MTHFSD: variants seen among roughly 807,000 people sequenced by gnomAD.
MTHFSD encodes the protein methenyltetrahydrofolate synthase domain-containing protein.
A neutral mutation model predicts 31.1 loss-of-function variants in MTHFSD; 37 were observed. The observed-to-expected ratio is 1.19, with a 90% CI of 0.91 to 1.56. The LOEUF (loss-of-function observed/expected upper bound fraction) is 1.56. Ranked by LOEUF, MTHFSD falls within the 40% of genes most tolerant of loss-of-function variation. The probability of loss-of-function intolerance (pLI) is 0.00; values close to 1 mark genes in which losing one functional copy is unlikely to be tolerated. For missense variants in MTHFSD, 664 were observed against 510.1 expected (o/e 1.30, Z -2.91); for synonymous variants, 221 against 206.9 (o/e 1.07, Z -0.59).
chr16:86,539,065 G>C (rs1971115189), intron 7 of MTHFSD, among the ~76,000 whole-genome samples: 1 of 152,194 alleles, frequency 6.6e-6, no homozygotes, highest in African/African-American at 2.4e-5. Context: ...AGGGTGCAGA[G>C]TGCTGGAATG....
At position 86,548,494 on chromosome 16, in the gene MTHFSD, T is replaced by C. The variant is rs1447546015; in HGVS notation, c.321A>G (p.Lys107=). Residue 107 remains lysine (K), a synonymous_variant, in exon 4 of 8, where the codon AAA becomes AAG. Transcript: ENST00000360900. ...NKITPPPGAT[K]DILRKCATSQ... ...AGGTGGCACATTTTCTCAAGATGTCTTTAGTTGCCCCAGGGGGTGGTGTGA... is the reference window on the plus strand; with the variant it reads ...AGGTGGCACATTTTCTCAAGATGTCCTTAGTTGCCCCAGGGGGTGGTGTGA... 6.2e-7 allele frequency: 1 copy of C among 1,613,984 alleles called. No homozygotes were observed. The highest frequency in any genetic ancestry group is 8.5e-7 in the Non-Finnish European group (1 of 1,179,956).
rs2143616627 is a variant in MTHFSD at position 86,542,467 on chromosome 16, C to T, written c.443-254G>A. 5 of 450,896 alleles carry T rather than the reference C, an allele frequency of 1.1e-5. No individual in the cohort carries two copies. Among genetic ancestry groups the T allele is most frequent in the Admixed American group, 8.0e-5 (2 of 24,900 alleles). 27.9% of individuals were successfully genotyped at this position (450,896 alleles called of 1,614,324 possible). ...ACAATGACGTGAACACTGGACCGTT[C>T]AAGCATGTCACAAAGGGAAACAGAT... On this transcript the variant is annotated intron_variant, in intron 5 of 7. Transcript: ENST00000360900. The surrounding 1 kb of genome is among the most constrained non-coding windows in gnomAD (Gnocchi z 4.6).
chr16:86,551,150 T>G (rs991991187), intron 3 of MTHFSD, among the ~76,000 whole-genome samples: 2 of 152,252 alleles, frequency 1.3e-5, no homozygotes, highest in Non-Finnish European at 2.9e-5. Flanking sequence ...TATATGCTTA[T>G]TTTGGTTTTA....
intron 7 of MTHFSD, among the ~76,000 whole-genome samples, chr16:86,540,424 C>T (rs1439681471): frequency 6.6e-6 from 1 of 152,172 alleles, no homozygotes; most frequent in African/African-American, 2.4e-5. Context: ...TCATTTGTTG[C>T]TACTTTTCTA....
Position 86,532,283 on chromosome 16 carries a change from G to A in MTHFSD, c.880C>T (p.Pro294Ser), listed in dbSNP as rs1048305136. The A allele has an allele frequency of 2.5e-6, 4 of 1,570,332 alleles. No individual in the cohort carries two copies. The highest frequency in any genetic ancestry group is 3.4e-6 in the Non-Finnish European group (4 of 1,160,746). ...GPETNSMEAA[P>S]GSPPGEGAPL... Reference sequence around the variant, plus strand: ...GCACCCTCCCCTGGTGGGGAGCCAGGGGCTGCCTCCATGGAATTGGTTTCT... The same window carrying A: ...GCACCCTCCCCTGGTGGGGAGCCAGAGGCTGCCTCCATGGAATTGGTTTCT... Residue 294 changes from proline (P) to serine (S), a missense_variant, in exon 8 of 8, where the codon CCT (proline) becomes TCT (serine). Physicochemically the swap from Pro to Ser is moderately conservative, Grantham distance 74. Transcript: ENST00000360900.
chr16:86,551,919 A>T, intron 3 of MTHFSD, 114 bp downstream of exon 3: 1 of 1,516,124 alleles, frequency 6.6e-7, no homozygotes, highest in East Asian at 2.3e-5. Context: ...ATTGGAGGGA[A>T]TCGGAAGCAC....
intron 7 of MTHFSD, among the ~76,000 whole-genome samples, chr16:86,539,287 G>A (rs1454593464): frequency 2.0e-5 from 3 of 152,176 alleles, no homozygotes; most frequent in South Asian, 2.1e-4. Flanking sequence ...AGGGAGACAC[G>A]TGCAGGACCC....
chr16:86,535,161 T>C, intron 7 of MTHFSD: 1 of 837,222 alleles, frequency 1.2e-6, no homozygotes, highest in Non-Finnish European at 1.4e-6. Context: ...AACCACACAT[T>C]ATGAGCTAAC....
intron 3 of MTHFSD, 185 bp downstream of exon 3, chr16:86,551,848 T>TA: frequency 9.0e-7 from 1 of 1,109,662 alleles, no homozygotes. Flanking sequence ...ACTGAATTGC[T>TA]AAACAGCTGA....
At chr16:86,544,229 G>C (rs1971943381) in intron 5 of MTHFSD, among the ~76,000 whole-genome samples, 1 of 152,112 alleles carries the variant, frequency 6.6e-6, no homozygotes, top group Non-Finnish European at 1.5e-5. Flanking sequence ...CAAAAAGTTG[G>C]GGACCACTGC....
chr16:86,549,539 GCT>G (rs1972833219), intron 3 of MTHFSD, among the ~76,000 whole-genome samples: 1 of 152,202 alleles, frequency 6.6e-6, no homozygotes, highest in South Asian at 2.1e-4. Flanking sequence ...GTGGAGTGTG[GCT>G]CCCTCATGGG....
chr16:86,554,930 T>C, intron 1 of MTHFSD, 179 bp from the exon 2 acceptor site: 1 of 1,129,928 alleles, frequency 8.9e-7, no homozygotes, highest in Non-Finnish European at 1.2e-6. Context: ...GCACGGCAGG[T>C]GTCCCTCCCG....
rs534203482 is a variant in MTHFSD, at chr16:86,553,715, A to G, written c.123+930T>C. The stretch of plus-strand genomic sequence containing the variant: ...TGCTCCACGGTGCCTGGTGCCATCC[A>G]CTGCCCAACGGCTGAGGAGTGCGGG... On this transcript the variant is annotated intron_variant, in intron 2 of 7. Transcript: ENST00000360900. 2.0e-5 allele frequency: 3 copies of G among 152,786 alleles called. No individual in the cohort carries two copies. The East Asian group carries it at 5.8e-4, about 29-fold the overall frequency. The allele number at this position is 152,786 out of a possible 1,614,324, so 9.5% of individuals were successfully genotyped here. A position where few individuals can be genotyped will look rare whatever the true frequency, so the allele number is the denominator to read the frequency against.
At chr16:86,548,334 T>A in intron 4 of MTHFSD, 130 bp downstream of exon 4, 1 of 890,970 alleles carries the variant, frequency 1.1e-6, no homozygotes. Context: ...TTGAATACTT[T>A]AATATCTCTG....
intron 1 of MTHFSD, 150 bp downstream of exon 1, chr16:86,555,019 A>T: frequency 7.0e-7 from 1 of 1,430,112 alleles, no homozygotes; most frequent in Non-Finnish European, 9.2e-7. Flanking sequence ...TTCGACCCGA[A>T]CCCAGCACAG....
intron 5 of MTHFSD, among the ~76,000 whole-genome samples, chr16:86,544,887 T>C (rs182989930): frequency 1.6e-4 from 24 of 152,190 alleles, no homozygotes; most frequent in Admixed American, 1.4e-3. Context: ...TAAAAAGGAA[T>C]GAGAGCATGT....
rs1471505818 is a variant in MTHFSD at position 86,530,346 on chromosome 16, G to A, written c.*1665C>T. 6.6e-6 allele frequency: 1 copy of A among 152,228 alleles called. No homozygotes were observed. The highest frequency in any genetic ancestry group is 2.4e-5 in the African/African-American group (1 of 41,442). 9.4% of individuals were successfully genotyped at this position (152,228 alleles called of 1,614,324 possible). ...GAAATCCCAGCAGTCTGGCTTCCCC[G>A]AGTAACCCTGTACTGCCTGGTTTAA... On this transcript the variant is annotated 3_prime_UTR_variant, in exon 8 of 8. Coordinates refer to ENST00000360900, the MANE Select transcript of MTHFSD (RefSeq NM_001159377.2).
chr16:86,547,471 A>C (rs1972491526), intron 4 of MTHFSD: 1 of 985,984 alleles, frequency 1.0e-6, no homozygotes, highest in Admixed American at 6.1e-5. Flanking sequence ...GGGTCTCCCG[A>C]CAGTCACAGA....
intron 7 of MTHFSD, chr16:86,540,994 T>G (rs1383337300): frequency 8.5e-7 from 1 of 1,177,174 alleles, no homozygotes; most frequent in African/African-American, 1.6e-5. Flanking sequence ...AAGGAGGGAT[T>G]CAAACGGTGA....
Sources: gnomAD v4.1 joint callset for allele counts (sites outside exome capture counted in the v4.1 genomes callset) on GRCh38, gnomAD v4.1.1 for gene constraint, Gnocchi (gnomAD v3.1) non-coding constraint, MANE v1.5 for transcripts, NCBI Gene and HGNC (gene_info 2026-07-23, HGNC 2026-07-21) for gene names.